The following TRDN variants were observed in gnomAD, a reference collection of about 807,000 sequenced individuals.
TRDN encodes the protein triadin in skeletal muscle.
Under a neutral mutation model 149.7 loss-of-function variants are expected in TRDN, and 161 were observed. The observed-to-expected ratio is 1.08, with a 90% CI of 0.95 to 1.23. TRDN has a LOEUF of 1.23. Among genes scored for constraint, TRDN ranks in the 50% most tolerant of loss-of-function variants. TRDN has a pLI of 0.00. For synonymous variants in TRDN, 294 were observed against 250.5 expected (o/e 1.17, Z -1.64); for missense variants, 896 against 823.5 (o/e 1.09, Z -1.08).
At chr6:123,597,945 C>A (rs1279290433) in intron 1 of TRDN, among the ~76,000 whole-genome samples, 1 of 151,826 alleles carries the variant, frequency 6.6e-6, no homozygotes, top group Non-Finnish European at 1.5e-5. Flanking sequence ...TCAAGGTATT[C>A]CTGTATTATT....
At chr6:123,498,343 C>T (rs1178308243) in intron 8 of TRDN, 1 of 292,324 alleles carries the variant, frequency 3.4e-6, no homozygotes, top group East Asian at 8.0e-5. Context: ...AGAGTAGTAA[C>T]AGCATTTTTA....
At chr6:123,274,868 G>A (rs1423979158) in intron 26 of TRDN, among the ~76,000 whole-genome samples, 198 bp from the exon 27 acceptor site, 3 of 151,752 alleles carry the variant, frequency 2.0e-5, no homozygotes, top group Admixed American at 6.6e-5. Flanking sequence ...GCGAGACTCC[G>A]TTTCAAAAAA....
At chr6:123,430,383 C>T (rs780875071) in intron 12 of TRDN, among the ~76,000 whole-genome samples, 20 of 150,952 alleles carry the variant, frequency 1.3e-4, no homozygotes, top group African/African-American at 4.6e-4. Flanking sequence ...GAGATTGAGA[C>T]CACCCTGGCT....
chr6:123,338,080 T>C (rs767191806), intron 21 of TRDN, among the ~76,000 whole-genome samples: 6 of 152,190 alleles, frequency 3.9e-5, no homozygotes, highest in Non-Finnish European at 5.9e-5. Context: ...CATAAATTGA[T>C]TAAATAACTT....
At chr6:123,413,113 T>C (rs1773509621) in intron 12 of TRDN, among the ~76,000 whole-genome samples, 1 of 152,126 alleles carries the variant, frequency 6.6e-6, no homozygotes, top group Admixed American at 6.5e-5. Flanking sequence ...TACTTCTTGA[T>C]TTGAAAAGTT....
chr6:123,619,087 G>A (rs935343917), intron 1 of TRDN, among the ~76,000 whole-genome samples: 3 of 152,174 alleles, frequency 2.0e-5, no homozygotes, highest in African/African-American at 7.2e-5. Context: ...ATTGGGTAAT[G>A]TAGTATTATG....
At chr6:123,434,519 A>G (rs12209641) in intron 12 of TRDN, among the ~76,000 whole-genome samples, 9,324 of 152,246 alleles carry the variant, frequency 0.061, 334 homozygotes, top group Non-Finnish European at 0.082. Flanking sequence ...CTGATGCTTA[A>G]TAATCCAAAT....
intron 1 of TRDN, among the ~76,000 whole-genome samples, chr6:123,587,324 C>T (rs1783547047): frequency 1.3e-5 from 2 of 151,984 alleles, no homozygotes; most frequent in Non-Finnish European, 2.9e-5. Context: ...ACGGATAAAA[C>T]GTGTCTCCTT....
chr6:123,416,320 C>T (rs565821374), intron 12 of TRDN, among the ~76,000 whole-genome samples: 2 of 152,328 alleles, frequency 1.3e-5, no homozygotes, highest in African/African-American at 2.4e-5. Flanking sequence ...TCACCTCCTA[C>T]CACCTGCTCC....
At chr6:123,380,434 G>T (rs536792995) in intron 16 of TRDN, among the ~76,000 whole-genome samples, 62 of 152,240 alleles carry the variant, frequency 4.1e-4, no homozygotes, top group African/African-American at 1.4e-3. Flanking sequence ...CTCATCAGTA[G>T]CTCTGCACAC....
intron 1 of TRDN, among the ~76,000 whole-genome samples, chr6:123,592,512 A>G (rs1444395025): frequency 6.6e-6 from 1 of 152,138 alleles, no homozygotes; most frequent in African/African-American, 2.4e-5. Flanking sequence ...AGGCATTGGG[A>G]CTGTCAGTAT....
intron 26 of TRDN, among the ~76,000 whole-genome samples, chr6:123,277,452 C>G (rs1223177771): frequency 6.6e-6 from 1 of 152,082 alleles, no homozygotes; most frequent in Non-Finnish European, 1.5e-5. Context: ...AAAATAGGAA[C>G]TTGTTTGTAA....
intron 38 of TRDN, among the ~76,000 whole-genome samples, chr6:123,234,065 T>C (rs1226059898): frequency 6.6e-6 from 1 of 152,036 alleles, no homozygotes; most frequent in African/African-American, 2.4e-5. Flanking sequence ...AGCACAAAAA[T>C]GTTAAGTAAT....
At chr6:123,390,579 A>G (rs1782069445) in intron 13 of TRDN, among the ~76,000 whole-genome samples, 1 of 152,112 alleles carries the variant, frequency 6.6e-6, no homozygotes, top group Non-Finnish European at 1.5e-5. Flanking sequence ...TTTATTGCCA[A>G]CTGGAAAGCC....
intron 36 of TRDN, among the ~76,000 whole-genome samples, 179 bp from the exon 37 acceptor site, chr6:123,255,304 T>C (rs1055201987): frequency 2.6e-5 from 4 of 152,108 alleles, no homozygotes; most frequent in Non-Finnish European, 4.4e-5. Flanking sequence ...GCACTAGACA[T>C]TGTTTTATAA....
At chr6:123,413,100 T>G (rs1442587066) in intron 12 of TRDN, among the ~76,000 whole-genome samples, 1 of 152,162 alleles carries the variant, frequency 6.6e-6, no homozygotes, top group Non-Finnish European at 1.5e-5. Context: ...CAAGATATCA[T>G]AGTACTTCTT....
chr6:123,495,126 C>T (rs977554725), intron 9 of TRDN, among the ~76,000 whole-genome samples: 2 of 152,102 alleles, frequency 1.3e-5, no homozygotes, highest in African/African-American at 4.8e-5. Context: ...AGCTCACACA[C>T]CCCTGCAGCC....
chr6:123,496,071 A>G (rs1778432407), intron 9 of TRDN, among the ~76,000 whole-genome samples: 2 of 146,880 alleles, frequency 1.4e-5, no homozygotes, highest in South Asian at 4.2e-4. Context: ...AATATTATTA[A>G]TATTAATATA....
rs1049543257 is a variant in TRDN at position 123,492,102 on chromosome 6, A to C, written c.853+5091T>G. ...CTTAAAACCCATTGAATTGGAATGC[A>C]GGCTGCCAAAGAATGCCTTATTACA... On this transcript the variant is annotated intron_variant, in intron 9 of 40. Coordinates refer to ENST00000334268, the MANE Select transcript of TRDN (RefSeq NM_006073.4). 3.9e-5 allele frequency among the ~76,000 whole-genome samples: 6 copies of C among 152,296 alleles called. No homozygotes were observed. In the South Asian group the frequency reaches 1.2e-3, roughly 32 times the overall value.
Sources: allele counts gnomAD v4.1 joint callset (sites outside exome capture counted in the v4.1 genomes callset), GRCh38; gene constraint gnomAD v4.1.1; transcripts MANE v1.5; gene names NCBI Gene and HGNC (gene_info 2026-07-23, HGNC 2026-07-21).